The following PLCB1 variants were observed in gnomAD, a reference collection of about 807,000 sequenced individuals.
PLCB1 encodes the protein 1-phosphatidylinositol 4,5-bisphosphate phosphodiesterase beta-1.
Under a neutral mutation model 161.8 loss-of-function variants are expected in PLCB1, and 46 were observed. The observed-to-expected ratio is 0.28, with a 90% CI of 0.22 to 0.36. PLCB1 has a LOEUF of 0.36. PLCB1 is among the 10% of genes least tolerant of loss of function. The pLI, the probability that PLCB1 is intolerant of heterozygous loss-of-function variation, is 1.00. For missense variants in PLCB1, 1,016 were observed against 1,472.5 expected (o/e 0.69, Z 5.07); for synonymous variants, 517 against 503.7 (o/e 1.03, Z -0.35).
At chr20:8,377,013 G>T (rs1421655517) in intron 3 of PLCB1, among the ~76,000 whole-genome samples, 1 of 152,168 alleles carries the variant, frequency 6.6e-6, no homozygotes. Context: ...TTTCCATGGA[G>T]GCAAATTTCA....
At chr20:8,762,587 T>C (rs1441421201) in intron 25 of PLCB1, among the ~76,000 whole-genome samples, 1 of 152,206 alleles carries the variant, frequency 6.6e-6, no homozygotes, top group Admixed American at 6.5e-5. Context: ...GAATTGCATC[T>C]GCCTCCAAGA....
At chr20:8,277,827 TAGACTGGTAAA>T (rs1982656667) in intron 2 of PLCB1, among the ~76,000 whole-genome samples, 1 of 152,176 alleles carries the variant, frequency 6.6e-6, no homozygotes, top group African/African-American at 2.4e-5. Flanking sequence ...GTTCTCTTCA[TAGACTGGTAAA>T]AGTGCAAAGG....
chr20:8,776,266 G>A (rs1324912589), intron 27 of PLCB1, among the ~76,000 whole-genome samples: 3 of 152,334 alleles, frequency 2.0e-5, no homozygotes, highest in South Asian at 2.1e-4. Flanking sequence ...GATAAAAAAT[G>A]TATATAGCAA....
chr20:8,582,525 G>A (rs1054027758), intron 3 of PLCB1, among the ~76,000 whole-genome samples: 1 of 152,034 alleles, frequency 6.6e-6, no homozygotes, highest in Non-Finnish European at 1.5e-5. Flanking sequence ...TCCCTATATT[G>A]CTTCCCTTAT....
intron 3 of PLCB1, among the ~76,000 whole-genome samples, chr20:8,528,406 A>AAGCC (rs1253241489): frequency 6.6e-6 from 1 of 152,102 alleles, no homozygotes; most frequent in Admixed American, 6.6e-5. Context: ...TGAATGAAAG[A>AAGCC]AGCCAGACAC....
intron 3 of PLCB1, among the ~76,000 whole-genome samples, chr20:8,478,146 C>G (rs546040990): frequency 2.0e-5 from 3 of 152,128 alleles, no homozygotes; most frequent in Non-Finnish European, 4.4e-5. Context: ...GGCTGAAACT[C>G]AAGTAAAGGA....
chr20:8,811,676 G>T (rs536513118), intron 31 of PLCB1, among the ~76,000 whole-genome samples: 1 of 152,230 alleles, frequency 6.6e-6, no homozygotes, highest in East Asian at 1.9e-4. Flanking sequence ...TAAATGTTAG[G>T]TTTTCTTTTG....
At chr20:8,768,052 C>A (rs546952123) in intron 26 of PLCB1, among the ~76,000 whole-genome samples, 1 of 152,142 alleles carries the variant, frequency 6.6e-6, no homozygotes, top group East Asian at 1.9e-4. Context: ...CACCTGTAAT[C>A]CCAGCTACTT....
intron 21 of PLCB1, among the ~76,000 whole-genome samples, 153 bp downstream of exon 21, chr20:8,739,513 G>C (rs2123516571): frequency 1.3e-5 from 2 of 152,326 alleles, no homozygotes; most frequent in Middle Eastern, 6.8e-3. Flanking sequence ...ATGTTTTTGT[G>C]ACATGTTGTA....
intron 2 of PLCB1, among the ~76,000 whole-genome samples, chr20:8,288,295 C>T (rs1016354243): frequency 2.0e-5 from 3 of 152,098 alleles, no homozygotes; most frequent in African/African-American, 7.2e-5. Flanking sequence ...ATCTGGAACT[C>T]TTGCCCTGGG....
chr20:8,201,121 A>G (rs1186222402), intron 2 of PLCB1, among the ~76,000 whole-genome samples: 1 of 152,122 alleles, frequency 6.6e-6, no homozygotes, highest in Non-Finnish European at 1.5e-5. Flanking sequence ...ATACCACTTC[A>G]TAGAATAAGT....
At chr20:8,861,430 A>G (rs1207585261) in intron 31 of PLCB1, among the ~76,000 whole-genome samples, 2 of 152,128 alleles carry the variant, frequency 1.3e-5, no homozygotes, top group Non-Finnish European at 2.9e-5. Context: ...CCCAGGCATC[A>G]TGGCTCATGC....
At chr20:8,808,370 G>A (rs1041087746) in intron 31 of PLCB1, among the ~76,000 whole-genome samples, 6 of 152,084 alleles carry the variant, frequency 3.9e-5, no homozygotes, top group African/African-American at 2.4e-5. Flanking sequence ...GAGAGAGAGC[G>A]CATGCACACG....
At chr20:8,864,463 G>A (rs1987357883) in intron 31 of PLCB1, among the ~76,000 whole-genome samples, 1 of 152,176 alleles carries the variant, frequency 6.6e-6, no homozygotes, top group Non-Finnish European at 1.5e-5. Flanking sequence ...TGAAGCCAGG[G>A]CTGTGTCTCA....
intron 2 of PLCB1, among the ~76,000 whole-genome samples, chr20:8,182,729 C>T (rs550132578): frequency 6.6e-6 from 1 of 151,696 alleles, no homozygotes; most frequent in Non-Finnish European, 1.5e-5. Flanking sequence ...TACAGGCGCC[C>T]GCAACCATGC....
At chr20:8,649,669 C>T in intron 7 of PLCB1, 1 of 540,800 alleles carries the variant, frequency 1.8e-6, no homozygotes, top group Admixed American at 3.1e-5. Context: ...GTTCTTCCCC[C>T]TCACCATCTG....
In PLCB1 at chr20:8,685,516, G is replaced by C. The variant is rs1990339625; in HGVS notation, c.1009+438G>C. On this transcript the variant is annotated intron_variant, in intron 10 of 31. Transcript: ENST00000338037. ...AGGCGGGCGGATCACCTGAGGTCAG[G>C]AGTTCGAGACCAGCCTGTTCAATAT... Among the ~76,000 whole-genome samples, 10 of 149,620 alleles carry C rather than the reference G, an allele frequency of 6.7e-5. No homozygotes were observed. The Admixed American group carries it at 6.8e-4, about 10-fold the overall frequency.
At chr20:8,266,143 ATGT>A (rs1250656442) in intron 2 of PLCB1, among the ~76,000 whole-genome samples, 1 of 152,170 alleles carries the variant, frequency 6.6e-6, no homozygotes, top group Non-Finnish European at 1.5e-5. Context: ...CAATAATGCT[ATGT>A]AACAAGCCAT....
At chr20:8,300,869 C>T (rs1983878574) in intron 2 of PLCB1, among the ~76,000 whole-genome samples, 1 of 152,090 alleles carries the variant, frequency 6.6e-6, no homozygotes, top group South Asian at 2.1e-4. Context: ...TCACTATAGC[C>T]CCAGGCTAGA....
Sources: allele counts gnomAD v4.1 joint callset (sites outside exome capture counted in the v4.1 genomes callset), GRCh38; gene constraint gnomAD v4.1.1; transcripts MANE v1.5; gene names NCBI Gene and HGNC (gene_info 2026-07-23, HGNC 2026-07-21).